Variants in RAPGEF4 observed in about 807,000 individuals in gnomAD.
RAPGEF4 encodes Rap guanine nucleotide exchange factor 4.
A neutral mutation model predicts 147.9 loss-of-function variants in RAPGEF4; 66 were observed. That is an observed-to-expected ratio of 0.45 (90% CI 0.37 to 0.55). The LOEUF (loss-of-function observed/expected upper bound fraction) is 0.55, where lower values mean the gene tolerates loss of function less well. RAPGEF4 is among the 20% of genes least tolerant of loss of function. The pLI is 0.00. For missense variants in RAPGEF4, 1,071 were observed against 1,257.3 expected (o/e 0.85, Z 2.24); for synonymous variants, 419 against 442.7 (o/e 0.95, Z 0.67).
intron 3 of RAPGEF4, among the ~76,000 whole-genome samples, chr2:172,798,602 C>A (rs1686633537): frequency 1.8e-5 from 2 of 110,222 alleles, no homozygotes; most frequent in African/African-American, 6.4e-5. Context: ...GGACAAATAA[C>A]CTTCTGCCAA....
chr2:172,896,559 T>TA, intron 4 of RAPGEF4, among the ~76,000 whole-genome samples: 1 of 152,250 alleles, frequency 6.6e-6, no homozygotes, highest in Admixed American at 6.5e-5. Flanking sequence ...TATGTGGGTT[T>TA]GCCACCAACA....
rs575623301 is a variant in RAPGEF4, at chr2:172,925,220, C to T, written c.537+2920C>T. 2.0e-5 allele frequency among the ~76,000 whole-genome samples: 3 copies of T among 152,280 alleles called. No homozygotes were observed. In the South Asian group the frequency reaches 6.2e-4, roughly 32 times the overall value. ...GGTCTTGATCTCCTGACCTCATGATCCGCCCGCCTCGGCCTTCCAAAGTGA... is the reference window on the plus strand; with the variant it reads ...GGTCTTGATCTCCTGACCTCATGATTCGCCCGCCTCGGCCTTCCAAAGTGA... On this transcript the variant is annotated intron_variant, in intron 6 of 30. Transcript: ENST00000397081.
intron 16 of RAPGEF4, among the ~76,000 whole-genome samples, chr2:172,999,935 C>A (rs1160691422): frequency 1.3e-5 from 2 of 152,148 alleles, no homozygotes; most frequent in African/African-American, 4.8e-5. Context: ...CCCTCCCCAG[C>A]CTTGGAGCAC....
At chr2:172,878,056 G>C (rs1401360913) in intron 4 of RAPGEF4, among the ~76,000 whole-genome samples, 1 of 152,152 alleles carries the variant, frequency 6.6e-6, no homozygotes, top group Non-Finnish European at 1.5e-5. Flanking sequence ...GAATTTGTTA[G>C]AACAAATTAC....
chr2:172,737,648 A>AT (rs966357313), intron 1 of RAPGEF4, among the ~76,000 whole-genome samples: 5 of 151,872 alleles, frequency 3.3e-5, no homozygotes, highest in African/African-American at 9.7e-5. Flanking sequence ...CTTGAAATGG[A>AT]TTTTTTAGAG....
chr2:172,985,547 C>A (rs970375026), intron 12 of RAPGEF4, 54 bp downstream of exon 12: 22 of 1,584,666 alleles, frequency 1.4e-5, no homozygotes, highest in Non-Finnish European at 1.7e-5. Flanking sequence ...CTTGCAAGCA[C>A]ATGCCACGGG....
At chr2:172,802,830 A>G (rs1687110789) in intron 3 of RAPGEF4, among the ~76,000 whole-genome samples, 1 of 152,346 alleles carries the variant, frequency 6.6e-6, no homozygotes, top group African/African-American at 2.4e-5. Flanking sequence ...AAATACAGCC[A>G]TTCCAAATGG....
intron 26 of RAPGEF4, among the ~76,000 whole-genome samples, chr2:173,032,655 T>C (rs2105985539): frequency 6.6e-6 from 1 of 152,226 alleles, no homozygotes; most frequent in East Asian, 1.9e-4. Flanking sequence ...CTCCCCTAAG[T>C]GAGGGCATCA....
intron 26 of RAPGEF4, among the ~76,000 whole-genome samples, chr2:173,032,412 A>C (rs916000929): frequency 7.2e-5 from 11 of 152,232 alleles, no homozygotes; most frequent in African/African-American, 2.7e-4. Flanking sequence ...AGAATGAAAG[A>C]AACATTTTTT....
intron 1 of RAPGEF4, among the ~76,000 whole-genome samples, chr2:172,776,531 CTCT>C (rs1684179953): frequency 6.6e-6 from 1 of 152,116 alleles, no homozygotes; most frequent in African/African-American, 2.4e-5. Flanking sequence ...CATTTTGTCT[CTCT>C]TCTTCTTCTG....
chr2:172,766,813 G>A (rs1696891965), intron 1 of RAPGEF4, among the ~76,000 whole-genome samples: 1 of 152,114 alleles, frequency 6.6e-6, no homozygotes, highest in Admixed American at 6.6e-5. Flanking sequence ...GAGATCTATT[G>A]ATGTTGTTGA....
intron 10 of RAPGEF4, among the ~76,000 whole-genome samples, chr2:172,974,720 C>T (rs1045758958): frequency 2.6e-5 from 4 of 152,086 alleles, no homozygotes; most frequent in African/African-American, 9.7e-5. Context: ...AATCTAATTT[C>T]ATTAAATTAT....
chr2:172,876,509 T>C (rs186776584), intron 4 of RAPGEF4, among the ~76,000 whole-genome samples: 1 of 152,230 alleles, frequency 6.6e-6, no homozygotes, highest in African/African-American at 2.4e-5. Context: ...GAGATAATCA[T>C]GTGGTTTTTG....
chr2:172,886,638 C>T (rs1031545258), intron 4 of RAPGEF4, among the ~76,000 whole-genome samples: 1 of 151,864 alleles, frequency 6.6e-6, no homozygotes, highest in African/African-American at 2.4e-5. Context: ...GTGTGTGGTA[C>T]CCCCTTCTTT....
chr2:172,962,293 T>C (rs1689376677), intron 8 of RAPGEF4, among the ~76,000 whole-genome samples: 1 of 152,118 alleles, frequency 6.6e-6, no homozygotes, highest in Non-Finnish European at 1.5e-5. Flanking sequence ...CCATCAGCAT[T>C]GGCATGAGTC....
intron 10 of RAPGEF4, among the ~76,000 whole-genome samples, chr2:172,976,251 A>G (rs1393966019): frequency 2.0e-5 from 3 of 152,154 alleles, no homozygotes; most frequent in Non-Finnish European, 2.9e-5. Flanking sequence ...GGAGCTGGGT[A>G]GGACACTTTA....
chr2:172,974,018 A>G (rs936357374), intron 10 of RAPGEF4, among the ~76,000 whole-genome samples: 2 of 152,212 alleles, frequency 1.3e-5, no homozygotes, highest in African/African-American at 4.8e-5. Context: ...CCTACTTCAC[A>G]ATAGATTGGA....
intron 1 of RAPGEF4, among the ~76,000 whole-genome samples, chr2:172,753,913 C>T (rs976117960): frequency 2.6e-5 from 4 of 151,818 alleles, no homozygotes; most frequent in African/African-American, 4.8e-5. Flanking sequence ...CGACACACAC[C>T]GCACACATAT....
At chr2:172,905,529 AACTGTC>A (rs1162310346) in intron 4 of RAPGEF4, among the ~76,000 whole-genome samples, 1 of 152,178 alleles carries the variant, frequency 6.6e-6, no homozygotes, top group Non-Finnish European at 1.5e-5. Context: ...CAGAATCTTG[AACTGTC>A]ACAGGCCAGG....
Sources: gnomAD v4.1 joint callset for allele counts (sites outside exome capture counted in the v4.1 genomes callset) on GRCh38, gnomAD v4.1.1 for gene constraint, MANE v1.5 for transcripts, NCBI Gene and HGNC (gene_info 2026-07-23, HGNC 2026-07-21) for gene names.